Variants in MAF observed in about 807,000 individuals in gnomAD.
The protein encoded by MAF is transcription factor Maf.
MAF carries 10 observed loss-of-function variants against 22.0 expected under a neutral mutation model. The observed-to-expected ratio is 0.45, with a 90% CI of 0.28 to 0.77. The LOEUF is 0.77. Ranked by LOEUF, MAF falls within the 30% of genes least tolerant of loss-of-function variation. MAF has a pLI of 0.12. For synonymous variants in MAF, 337 were observed against 255.8 expected, an observed-to-expected ratio of 1.32 and a Z score of -3.03; for missense variants, 544 against 548.4, an observed-to-expected ratio of 0.99 and a Z score of 0.08.
the MAF span, among the ~76,000 whole-genome samples, chr16:79,221,685 G>A: frequency 6.6e-6 from 1 of 152,056 alleles, no homozygotes; most frequent in African/African-American, 2.4e-5. Flanking sequence ...TTATGTGTGT[G>A]TACATGTGCA....
the MAF span, among the ~76,000 whole-genome samples, chr16:79,550,645 T>C: frequency 7.0e-3 from 1,059 of 152,268 alleles, 15 homozygotes; most frequent in African/African-American, 0.025. Flanking sequence ...AGGTAGAGCC[T>C]CATGATATCT....
the MAF span, among the ~76,000 whole-genome samples, chr16:79,578,938 C>T: frequency 9.2e-5 from 14 of 152,106 alleles, no homozygotes; most frequent in Non-Finnish European, 1.9e-4. Flanking sequence ...AATTATTTAT[C>T]AAGCTAACAA....
chr16:79,353,565 G>C, the MAF span, among the ~76,000 whole-genome samples: 1 of 152,124 alleles, frequency 6.6e-6, no homozygotes, highest in Non-Finnish European at 1.5e-5. Context: ...CGGTAGGGAG[G>C]AGCGTCATCT....
At chr16:79,456,744 G>A in the MAF span, among the ~76,000 whole-genome samples, 1 of 152,136 alleles carries the variant, frequency 6.6e-6, no homozygotes, top group African/African-American at 2.4e-5. Context: ...CCCTTTACAA[G>A]GATAGAACTC....
chr16:79,331,941 A>C, the MAF span, among the ~76,000 whole-genome samples: 3 of 152,270 alleles, frequency 2.0e-5, no homozygotes, highest in South Asian at 4.1e-4. Flanking sequence ...CATTCACTCG[A>C]CTTTATTTTT....
chr16:79,446,432 A>C, the MAF span, among the ~76,000 whole-genome samples: 1 of 152,114 alleles, frequency 6.6e-6, no homozygotes, highest in African/African-American at 2.4e-5. Flanking sequence ...TCCTAGTGTG[A>C]GTATTAATAG....
the MAF span, among the ~76,000 whole-genome samples, chr16:79,365,999 T>C: frequency 6.6e-6 from 1 of 152,246 alleles, no homozygotes; most frequent in Non-Finnish European, 1.5e-5. Context: ...ACATACATTT[T>C]TGCAAGCACA....
chr16:79,323,985 T>G, the MAF span, among the ~76,000 whole-genome samples: 1 of 152,198 alleles, frequency 6.6e-6, no homozygotes, highest in Non-Finnish European at 1.5e-5. Flanking sequence ...CCAGAGCGTA[T>G]GCATCTTCAC....
At chr16:79,471,144 G>A in the MAF span, among the ~76,000 whole-genome samples, 4 of 152,136 alleles carry the variant, frequency 2.6e-5, no homozygotes, top group African/African-American at 7.2e-5. Context: ...CCACTCCCAC[G>A]CCTGTGGAGG....
the MAF span, among the ~76,000 whole-genome samples, chr16:79,447,765 T>C: frequency 6.6e-6 from 1 of 151,612 alleles, no homozygotes; most frequent in African/African-American, 2.4e-5. Flanking sequence ...GCAAGAGAAC[T>C]TGAATTACAA....
chr16:79,333,545 C>G, the MAF span, among the ~76,000 whole-genome samples: 1 of 152,186 alleles, frequency 6.6e-6, no homozygotes, highest in Non-Finnish European at 1.5e-5. Flanking sequence ...ATTTTATTTC[C>G]ATGATTTTGC....
At chr16:79,286,401 T>C in the MAF span, among the ~76,000 whole-genome samples, 6 of 152,202 alleles carry the variant, frequency 3.9e-5, no homozygotes, top group Non-Finnish European at 8.8e-5. Flanking sequence ...TATTGAAAAG[T>C]TGGCCCCACC....
the MAF span, among the ~76,000 whole-genome samples, chr16:79,538,020 ATCTG>A: frequency 6.6e-6 from 1 of 152,236 alleles, no homozygotes; most frequent in East Asian, 1.9e-4. Context: ...TTGAGTCTTT[ATCTG>A]TCTGGCTGCA....
intron 1 of MAF, among the ~76,000 whole-genome samples, chr16:79,587,878 G>GA (rs1181226440): frequency 6.7e-6 from 1 of 148,526 alleles, no homozygotes; most frequent in Non-Finnish European, 1.5e-5. Flanking sequence ...AAGGGGGGGG[G>GA]GGGTAGATAC....
chr16:79,358,135 C>T, the MAF span, among the ~76,000 whole-genome samples: 3 of 152,210 alleles, frequency 2.0e-5, no homozygotes. Flanking sequence ...GGAAGGGCAG[C>T]AGGGCCAGGA....
intron 1 of MAF, among the ~76,000 whole-genome samples, chr16:79,586,654 C>CA (rs1204646052): frequency 6.6e-6 from 1 of 152,036 alleles, no homozygotes; most frequent in Non-Finnish European, 1.5e-5. Flanking sequence ...TTCTATGGTT[C>CA]AAAAAACGCT....
At chr16:79,440,396 T>C in the MAF span, among the ~76,000 whole-genome samples, 1 of 152,220 alleles carries the variant, frequency 6.6e-6, no homozygotes, top group Non-Finnish European at 1.5e-5. Context: ...CATGAGTACA[T>C]GGTGCAGCAC....
At chr16:79,487,046 G>T in the MAF span, among the ~76,000 whole-genome samples, 2 of 152,028 alleles carry the variant, frequency 1.3e-5, no homozygotes, top group African/African-American at 2.4e-5. Context: ...GAGGCCTAAA[G>T]TTCCACTCCT....
At chr16:79,444,223 T>C in the MAF span, among the ~76,000 whole-genome samples, 2 of 152,018 alleles carry the variant, frequency 1.3e-5, no homozygotes, top group Non-Finnish European at 2.9e-5. Flanking sequence ...AATACAGCCC[T>C]ATAGGAAAAA....
Sources: gnomAD v4.1 joint callset for allele counts (sites outside exome capture counted in the v4.1 genomes callset) on GRCh38, gnomAD v4.1.1 for gene constraint, MANE v1.5 for transcripts, NCBI Gene and HGNC (gene_info 2026-07-23, HGNC 2026-07-21) for gene names.